Variants in MYO18B observed in about 807,000 individuals in gnomAD.
MYO18B encodes the protein myosin XVIIIB, also known as unconventional myosin-XVIIIb.
A neutral mutation model predicts 273.0 loss-of-function variants in MYO18B; 204 were observed. That is an observed-to-expected ratio of 0.75 (90% CI 0.67 to 0.84). MYO18B has a LOEUF of 0.84. Ranked by LOEUF, MYO18B falls within the 40% of genes least tolerant of loss-of-function variation. The pLI, the probability that MYO18B is intolerant of heterozygous loss-of-function variation, is 0.00. For missense variants in MYO18B, 3,212 were observed against 3,287.6 expected, an observed-to-expected ratio of 0.98 and a Z score of 0.56; for synonymous variants, 1,330 against 1,305.7, an observed-to-expected ratio of 1.02 and a Z score of -0.40.
chr22:25,969,538 G>A (rs760601489), intron 39 of MYO18B, among the ~76,000 whole-genome samples: 8 of 152,206 alleles, frequency 5.3e-5, no homozygotes, highest in Non-Finnish European at 1.2e-4. Context: ...CAACAGCAGA[G>A]AGGAGTATTT....
At chr22:25,947,284 A>G (rs934563712) in intron 35 of MYO18B, among the ~76,000 whole-genome samples, 1 of 152,136 alleles carries the variant, frequency 6.6e-6, no homozygotes, top group Non-Finnish European at 1.5e-5. Flanking sequence ...CACCTGTTAT[A>G]GGGCTGGCCT....
the MYO18B span, among the ~76,000 whole-genome samples, chr22:26,056,093 A>G: frequency 2.0e-5 from 3 of 152,250 alleles, no homozygotes; most frequent in Non-Finnish European, 2.9e-5. Context: ...GACCAGATGA[A>G]TAAATAGTAT....
chr22:25,819,513 C>T (rs1280358991), intron 12 of MYO18B, among the ~76,000 whole-genome samples: 1 of 150,374 alleles, frequency 6.7e-6, no homozygotes, highest in Non-Finnish European at 1.5e-5. Flanking sequence ...ATGCCTCTCT[C>T]TAATATTTGC....
Position 25,828,824 on chromosome 22 carries a change from C to G in MYO18B, c.2835C>G (p.Asp945Glu), listed in dbSNP as rs757459406. Residue 945 changes from aspartate (D) to glutamate (E), a missense_variant, in exon 15 of 44, where the codon GAC becomes GAG. Asp to Glu is a conservative substitution (Grantham distance 45, BLOSUM62 2). Coordinates refer to ENST00000335473, the MANE Select transcript of MYO18B (RefSeq NM_032608.7). ...HLSMASIMVV[D>E]SPGFQNPRHQ... ...CCATGGCCTCCATCATGGTGGTGGA[C>G]TCTCCAGGCTTCCAGAACCCCCGGC... 2 of 1,613,978 alleles carry G rather than the reference C, an allele frequency of 1.2e-6. No homozygotes were observed. The highest frequency in any genetic ancestry group is 1.7e-6 in the Non-Finnish European group (2 of 1,179,902).
chr22:25,836,673 T>G (rs776852211), intron 17 of MYO18B, among the ~76,000 whole-genome samples: 54 of 152,014 alleles, frequency 3.6e-4, no homozygotes, highest in Non-Finnish European at 5.1e-4. Context: ...AGAAGGCAAA[T>G]GTAGTGGCCG....
rs748676605 is a variant in MYO18B, at chr22:25,835,450, A to T, written c.3208+7A>T. The T allele has an allele frequency of 1.9e-6, 3 of 1,613,554 alleles. No homozygotes were observed. The highest frequency in any genetic ancestry group is 2.2e-5 in the East Asian group (1 of 44,870). ...AAAGGAGCTGGGACTGAAGGTAAGG[A>T]AGCAGGGGGCTGGGGATGGGGCCTG... On this transcript the variant is annotated splice_region_variant and intron_variant, in intron 17 of 43. Transcript: ENST00000335473.
downstream of MYO18B, among the ~76,000 whole-genome samples, chr22:26,033,809 C>G (rs1936716992): frequency 9.1e-6 from 1 of 110,230 alleles, no homozygotes; most frequent in Non-Finnish European, 1.7e-5. Context: ...TCCTTCCTTT[C>G]TTTTTCTCTT....
At chr22:25,837,475 C>T (rs189943397) in intron 17 of MYO18B, among the ~76,000 whole-genome samples, 131 of 152,260 alleles carry the variant, frequency 8.6e-4, no homozygotes, top group African/African-American at 3.0e-3. Context: ...GATTTGGCCT[C>T]GTTGAAGTCA....
intron 27 of MYO18B, among the ~76,000 whole-genome samples, chr22:25,893,153 C>A (rs539239836): frequency 6.6e-6 from 1 of 152,174 alleles, no homozygotes; most frequent in Non-Finnish European, 1.5e-5. Flanking sequence ...ACATTTTAAT[C>A]ATATCATCGC....
intron 25 of MYO18B, among the ~76,000 whole-genome samples, chr22:25,878,401 G>C (rs940631534): frequency 7.9e-5 from 12 of 152,120 alleles, no homozygotes; most frequent in African/African-American, 2.7e-4. Flanking sequence ...GTTTATCAGG[G>C]CATAAAATGA....
Position 25,768,358 on chromosome 22 carries a change from G to A in MYO18B, c.442G>A (p.Val148Met), listed in dbSNP as rs768072435. The A allele has an allele frequency of 5.1e-5, 83 of 1,613,652 alleles. No individual in the cohort carries two copies. Among genetic ancestry groups the A allele is most frequent in the East Asian group, 2.0e-4 (9 of 44,880 alleles). ...AAAGACTGTCCCCTTCAAGAGGGGC[G>A]TGAGGAGGGGTGATGTGTTGTTGAT... ...TKKTVPFKRG[V>M]RRGDVLLMVA... The change falls in exon 4 of 44, where the codon GTG (valine) becomes ATG (methionine). Residue 148 changes from valine to methionine, a missense_variant. Physicochemically the swap from Val to Met is conservative, Grantham distance 21. Coordinates refer to ENST00000335473, the MANE Select transcript of MYO18B (RefSeq NM_032608.7).
At chr22:25,976,369 A>G (rs1413499582) in intron 39 of MYO18B, among the ~76,000 whole-genome samples, 3 of 152,166 alleles carry the variant, frequency 2.0e-5, no homozygotes, top group Non-Finnish European at 2.9e-5. Context: ...CAATTCCACT[A>G]AAAAATGGCC....
intron 11 of MYO18B, among the ~76,000 whole-genome samples, chr22:25,793,502 G>A (rs1229744378): frequency 6.6e-6 from 1 of 152,122 alleles, no homozygotes; most frequent in African/African-American, 2.4e-5. Flanking sequence ...GCCTCTCAAA[G>A]CACTAGGATG....
chr22:26,013,070 G>A (rs5997021), intron 42 of MYO18B, among the ~76,000 whole-genome samples: 53,495 of 151,972 alleles, frequency 0.35, 10,244 homozygotes, highest in African/African-American at 0.51. Flanking sequence ...GAAGCATCCA[G>A]TATGTCCTCT....
chr22:25,823,382 C>T lies in MYO18B; in HGVS notation c.2522-123C>T, dbSNP rs769857553. 7 of 1,109,024 alleles carry T rather than the reference C, an allele frequency of 6.3e-6. No homozygotes were observed. In the African/African-American group the frequency reaches 9.5e-5, roughly 15 times the overall value. The allele number at this position is 1,109,024 out of a possible 1,614,324, so 68.7% of individuals were successfully genotyped here. A position where few individuals can be genotyped will look rare whatever the true frequency, so the allele number is the denominator to read the frequency against. On this transcript the variant is annotated intron_variant, in intron 12 of 43. Coordinates refer to ENST00000335473, the MANE Select transcript of MYO18B (RefSeq NM_032608.7). ...CCAGGCCTGGGCAGTTGTCCAAGCTCCCGGCTGAGGAGGCTGGCCTGGAGA... is the reference window on the plus strand; with the variant it reads ...CCAGGCCTGGGCAGTTGTCCAAGCTTCCGGCTGAGGAGGCTGGCCTGGAGA...
At chr22:25,790,814 T>C (rs2087628944) in intron 11 of MYO18B, among the ~76,000 whole-genome samples, 1 of 152,188 alleles carries the variant, frequency 6.6e-6, no homozygotes, top group Non-Finnish European at 1.5e-5. Flanking sequence ...CCTTGGGTCC[T>C]GGGAGCTGGG....
intron 34 of MYO18B, among the ~76,000 whole-genome samples, chr22:25,930,058 C>T (rs1483772520): frequency 6.6e-6 from 1 of 152,126 alleles, no homozygotes; most frequent in Non-Finnish European, 1.5e-5. Context: ...CTGCACCTGC[C>T]CTCACCTCTT....
chr22:26,017,339 T>TCTTC (rs772489837), intron 42 of MYO18B, among the ~76,000 whole-genome samples: 48 of 143,658 alleles, frequency 3.3e-4, no homozygotes, highest in East Asian at 1.3e-3. Flanking sequence ...ACATTTTCCT[T>TCTTC]CTTCCTTCCT....
chr22:25,906,290 A>G (rs1241912973), intron 31 of MYO18B, among the ~76,000 whole-genome samples: 2 of 139,330 alleles, frequency 1.4e-5, no homozygotes, highest in Non-Finnish European at 3.3e-5. Context: ...AAAAATGAAA[A>G]AGAAATATTA....
Sources: gnomAD v4.1 joint callset for allele counts (sites outside exome capture counted in the v4.1 genomes callset) on GRCh38, gnomAD v4.1.1 for gene constraint, MANE v1.5 for transcripts, NCBI Gene and HGNC (gene_info 2026-07-23, HGNC 2026-07-21) for gene names.